Variants in RFX3 observed in about 807,000 individuals in gnomAD.
The protein encoded by RFX3 is regulatory factor X3.
A neutral mutation model predicts 98.6 loss-of-function variants in RFX3; 14 were observed. The ratio of observed to expected loss-of-function variants is 0.14; its 90% CI spans 0.09 to 0.22. The LOEUF (loss-of-function observed/expected upper bound fraction) is 0.22. Among genes scored for constraint, RFX3 ranks in the 10% least tolerant of loss-of-function variants. The pLI is 1.00. For synonymous variants in RFX3, 383 were observed against 328.4 expected (o/e 1.17, Z -1.80); for missense variants, 639 against 926.9 (o/e 0.69, Z 4.03).
chr9:3,352,187 T>A (rs1835222619), intron 2 of RFX3, among the ~76,000 whole-genome samples: 1 of 152,020 alleles, frequency 6.6e-6, no homozygotes, highest in African/African-American at 2.4e-5. Flanking sequence ...TACAGTATGA[T>A]TAGCTTTGTG....
At position 3,222,021 on chromosome 9, in the gene RFX3, A is replaced by T. The variant is rs1252709547; in HGVS notation, c.*3021T>A. The T allele has an allele frequency of 6.6e-6, 1 of 152,164 alleles. No homozygotes were observed. Among genetic ancestry groups the T allele is most frequent in the East Asian group, 1.9e-4 (1 of 5,200 alleles). 9.4% of individuals were successfully genotyped at this position (152,164 alleles called of 1,614,324 possible). ...GTCTAATATTATTTAGAAAACCCACACTTTCAATGAGTGAAAAAAGGGAAA... is the reference window on the plus strand; with the variant it reads ...GTCTAATATTATTTAGAAAACCCACTCTTTCAATGAGTGAAAAAAGGGAAA... On this transcript the variant is annotated 3_prime_UTR_variant, in exon 17 of 17. Coordinates refer to ENST00000617270, the MANE Select transcript of RFX3 (RefSeq NM_001282116.2).
At chr9:3,505,158 A>AT (rs1816808751) in intron 1 of RFX3, among the ~76,000 whole-genome samples, 1 of 95,668 alleles carries the variant, frequency 1.0e-5, no homozygotes, top group African/African-American at 4.3e-5. Flanking sequence ...GAATATATGA[A>AT]ATATATTTTA....
chr9:3,327,613 A>C (rs908399784), intron 4 of RFX3, among the ~76,000 whole-genome samples: 2 of 152,042 alleles, frequency 1.3e-5, no homozygotes, highest in African/African-American at 2.4e-5. Flanking sequence ...TATTTAAAAA[A>C]ACGCAAAACA....
rs372541937 is a variant in RFX3 at position 3,352,142 on chromosome 9, G to C, written c.118-5378C>G. Among the ~76,000 whole-genome samples, 150 of 152,012 alleles carry C rather than the reference G, an allele frequency of 9.9e-4. 5 individuals carry two copies. In the South Asian group the frequency reaches 0.03, roughly 31 times the overall value. On this transcript the variant is annotated intron_variant, in intron 2 of 16. Coordinates refer to ENST00000617270, the MANE Select transcript of RFX3 (RefSeq NM_001282116.2). ...CAAGATTGCCAATACATATTACTAA[G>C]TTTAAAAAGTATGTTGTGGAACAAT...
chr9:3,332,336 G>A (rs758644302), intron 3 of RFX3, among the ~76,000 whole-genome samples: 8 of 152,246 alleles, frequency 5.3e-5, no homozygotes, highest in South Asian at 2.1e-4. Flanking sequence ...TACACATAGC[G>A]TGAAGGTAAT....
chr9:3,404,273 T>A (rs1274313971), intron 1 of RFX3, among the ~76,000 whole-genome samples: 1 of 152,174 alleles, frequency 6.6e-6, no homozygotes, highest in Non-Finnish European at 1.5e-5. Context: ...AATTTTTACA[T>A]TGATTTTCAT....
At chr9:3,453,193 T>C (rs999302043) in intron 1 of RFX3, among the ~76,000 whole-genome samples, 1 of 152,054 alleles carries the variant, frequency 6.6e-6, no homozygotes, top group Non-Finnish European at 1.5e-5. Context: ...GAGATCTGAT[T>C]AATCACTCTG....
intron 4 of RFX3, among the ~76,000 whole-genome samples, chr9:3,305,238 G>A (rs1196659882): frequency 6.6e-6 from 1 of 151,992 alleles, no homozygotes; most frequent in African/African-American, 2.4e-5. Flanking sequence ...GTATGAGTGA[G>A]GCTGAAAAAA....
intron 2 of RFX3, among the ~76,000 whole-genome samples, chr9:3,387,627 C>CT (rs74782962): frequency 0.15 from 21,434 of 146,786 alleles, 1,642 homozygotes; most frequent in African/African-American, 0.19. Flanking sequence ...AAATCATTGT[C>CT]TTTTTTTTTT....
chr9:3,271,034 G>A lies in RFX3; in HGVS notation c.1171C>T (p.Pro391Ser). 6.2e-7 allele frequency: 1 copy of A among 1,613,680 alleles called. No individual in the cohort carries two copies. Among genetic ancestry groups the A allele is most frequent in the African/African-American group, 1.3e-5 (1 of 75,030 alleles). ...TCGGTAATGGTAGTGCCATCAGTTG[G>A]AGTAGAGGGAGAATAGCGCCAGAAT... ...QTFWRYSPST[P>S]TDGTTITESS... The change falls in exon 10 of 17, where the codon CCA becomes TCA. Residue 391 changes from proline (P) to serine (S), a missense_variant. By Grantham distance (74) the Pro-to-Ser change is moderately conservative. Coordinates refer to ENST00000617270, the MANE Select transcript of RFX3 (RefSeq NM_001282116.2).
chr9:3,498,714 A>C (rs1221517050), intron 1 of RFX3, among the ~76,000 whole-genome samples: 1 of 152,094 alleles, frequency 6.6e-6, no homozygotes, highest in African/African-American at 2.4e-5. Flanking sequence ...AAGGTTGCCC[A>C]TTTTTGAAAA....
chr9:3,502,314 T>C (rs921020632), intron 1 of RFX3, among the ~76,000 whole-genome samples: 1 of 152,016 alleles, frequency 6.6e-6, no homozygotes. Context: ...CACCTTTATA[T>C]ATCTAAAAAC....
At chr9:3,309,278 C>G (rs974244977) in intron 4 of RFX3, among the ~76,000 whole-genome samples, 1 of 152,072 alleles carries the variant, frequency 6.6e-6, no homozygotes, top group Admixed American at 6.6e-5. Context: ...AGAAAAAACA[C>G]AAAGATTAGT....
intron 4 of RFX3, among the ~76,000 whole-genome samples, chr9:3,327,403 A>G (rs1178323677): frequency 2.0e-5 from 3 of 152,174 alleles, no homozygotes; most frequent in Admixed American, 6.5e-5. Flanking sequence ...CTTCAGTACA[A>G]TTGAGACGGG....
chr9:3,260,317 G>A (rs997412575), intron 13 of RFX3, among the ~76,000 whole-genome samples: 1 of 151,944 alleles, frequency 6.6e-6, no homozygotes, highest in Non-Finnish European at 1.5e-5. Context: ...CTTAAAGTTG[G>A]CAGGTAGAGG....
intron 9 of RFX3, among the ~76,000 whole-genome samples, chr9:3,272,204 TA>T (rs1824584271): frequency 1.3e-5 from 2 of 152,154 alleles, no homozygotes; most frequent in Admixed American, 1.3e-4. Flanking sequence ...TTTTGGGCAT[TA>T]AAAGACAGAA....
At position 3,275,497 on chromosome 9, in the gene RFX3, T is replaced by G. The variant is rs1825092717; in HGVS notation, c.1086+3A>C. 2.0e-6 allele frequency: 3 copies of G among 1,532,122 alleles called. No homozygotes were observed. The highest frequency in any genetic ancestry group is 2.7e-5 in the African/African-American group (2 of 73,150). 94.9% of individuals were successfully genotyped at this position (1,532,122 alleles called of 1,614,324 possible). A position where few individuals can be genotyped will look rare whatever the true frequency, so the allele number is the denominator to read the frequency against. ...TGTTCATACTACATTTGAAAAGACT[T>G]ACCTCACAGTGCTCTCTATAAAGAC... is the stretch of plus-strand genomic sequence containing the variant. On this transcript the variant is annotated splice_donor_region_variant and intron_variant, in intron 9 of 16. Transcript: ENST00000617270.
At chr9:3,438,565 C>T (rs149055111) in intron 1 of RFX3, among the ~76,000 whole-genome samples, 45 of 152,046 alleles carry the variant, frequency 3.0e-4, no homozygotes, top group African/African-American at 1.1e-3. Context: ...GATCTAAATA[C>T]TCCAATTAAA....
chr9:3,287,396 GTT>G (rs931471009), intron 7 of RFX3, among the ~76,000 whole-genome samples: 2 of 151,762 alleles, frequency 1.3e-5, no homozygotes, highest in Non-Finnish European at 2.9e-5. Context: ...TTTTCATTTT[GTT>G]TACTCTAAAT....
Sources: gnomAD v4.1 joint callset for allele counts (sites outside exome capture counted in the v4.1 genomes callset) on GRCh38, gnomAD v4.1.1 for gene constraint, MANE v1.5 for transcripts, NCBI Gene and HGNC (gene_info 2026-07-23, HGNC 2026-07-21) for gene names.